Variants in GPC5 observed in about 807,000 individuals in gnomAD.
GPC5 encodes the protein glypican-5.
GPC5 carries 47 observed loss-of-function variants against 53.9 expected under a neutral mutation model. That is an observed-to-expected ratio of 0.87 (90% CI 0.69 to 1.11). GPC5 has a LOEUF of 1.11. Among genes scored for constraint, GPC5 ranks in the 50% most tolerant of loss-of-function variants. The probability of loss-of-function intolerance (pLI) is 0.00; values close to 1 mark genes in which losing one functional copy is unlikely to be tolerated. For synonymous variants in GPC5, 286 were observed against 263.3 expected (o/e 1.09, Z -0.84); for missense variants, 748 against 713.1 (o/e 1.05, Z -0.56).
chr13:92,311,372 G>C (rs1028552096), intron 7 of GPC5, among the ~76,000 whole-genome samples: 4 of 152,042 alleles, frequency 2.6e-5, no homozygotes, highest in African/African-American at 7.2e-5. Flanking sequence ...GAGGAATTAG[G>C]TATTTAACAA....
At chr13:92,542,227 T>C (rs1881954058) in intron 7 of GPC5, among the ~76,000 whole-genome samples, 1 of 152,000 alleles carries the variant, frequency 6.6e-6, no homozygotes, top group African/African-American at 2.4e-5. Context: ...GAAAATATAC[T>C]AAGTTGTTAA....
At chr13:92,436,932 G>T (rs899362033) in intron 7 of GPC5, among the ~76,000 whole-genome samples, 1 of 152,040 alleles carries the variant, frequency 6.6e-6, no homozygotes. Flanking sequence ...TCATTTAAAA[G>T]ATTTTATAAC....
At chr13:91,662,643 C>T in intron 2 of GPC5, among the ~76,000 whole-genome samples, 1 of 152,048 alleles carries the variant, frequency 6.6e-6, no homozygotes, top group East Asian at 1.9e-4. Flanking sequence ...ATATTATTTT[C>T]TTCCATCTCC....
At chr13:92,803,546 T>G (rs1046282297) in intron 7 of GPC5, among the ~76,000 whole-genome samples, 5 of 151,938 alleles carry the variant, frequency 3.3e-5, no homozygotes, top group African/African-American at 1.2e-4. Flanking sequence ...AGAAATCTCT[T>G]GCTCTAGTCT....
intron 7 of GPC5, among the ~76,000 whole-genome samples, chr13:92,187,674 T>C (rs557017971): frequency 1.3e-5 from 2 of 152,354 alleles, no homozygotes; most frequent in Admixed American, 6.5e-5. Flanking sequence ...GAACATTTTA[T>C]TTGAAATAAT....
intron 7 of GPC5, among the ~76,000 whole-genome samples, chr13:92,695,701 GT>G (rs200591293): frequency 0.055 from 7,794 of 141,774 alleles, 214 homozygotes; most frequent in Non-Finnish European, 0.067. Flanking sequence ...AATTTTATGA[GT>G]TTTTTTTTTT....
intron 7 of GPC5, among the ~76,000 whole-genome samples, chr13:92,327,343 T>C (rs888434524): frequency 2.0e-5 from 3 of 152,190 alleles, no homozygotes; most frequent in Admixed American, 6.6e-5. Context: ...TCTTTTCTGT[T>C]CTCTTGCTGT....
intron 7 of GPC5, among the ~76,000 whole-genome samples, chr13:92,472,166 C>T (rs1411748062): frequency 2.0e-5 from 3 of 152,104 alleles, no homozygotes; most frequent in Non-Finnish European, 4.4e-5. Context: ...CCTGTGTGAA[C>T]TTGGGCATAT....
At chr13:92,469,583 T>C (rs1379942704) in intron 7 of GPC5, among the ~76,000 whole-genome samples, 3 of 152,150 alleles carry the variant, frequency 2.0e-5, no homozygotes, top group African/African-American at 7.2e-5. Context: ...AATTGCTGAG[T>C]TGGAGTATGA....
At chr13:92,319,385 C>A in intron 7 of GPC5, among the ~76,000 whole-genome samples, 1 of 143,252 alleles carries the variant, frequency 7.0e-6, no homozygotes. Flanking sequence ...ATTTTTTTTT[C>A]CCCATGATAA....
intron 7 of GPC5, among the ~76,000 whole-genome samples, chr13:92,608,267 C>T (rs530739414): frequency 3.9e-5 from 6 of 152,266 alleles, no homozygotes; most frequent in African/African-American, 7.2e-5. Flanking sequence ...GTCAACTGTA[C>T]GTTGTTATTA....
chr13:92,486,552 T>C (rs1235712735), intron 7 of GPC5, among the ~76,000 whole-genome samples: 3 of 152,146 alleles, frequency 2.0e-5, no homozygotes, highest in Admixed American at 1.3e-4. Flanking sequence ...GTGGGGTAAA[T>C]TGAAAAATAG....
intron 7 of GPC5, among the ~76,000 whole-genome samples, chr13:92,814,317 T>A (rs1367733189): frequency 6.6e-6 from 1 of 151,826 alleles, no homozygotes; most frequent in Non-Finnish European, 1.5e-5. Context: ...AAAGACTTCT[T>A]AGATATGGAA....
intron 7 of GPC5, among the ~76,000 whole-genome samples, chr13:92,195,852 C>A (rs2042253058): frequency 6.6e-6 from 1 of 152,150 alleles, no homozygotes. Flanking sequence ...TCTACCCATT[C>A]ATCTACTCAG....
intron 6 of GPC5, among the ~76,000 whole-genome samples, chr13:91,945,730 G>A (rs1371036125): frequency 2.6e-5 from 4 of 152,100 alleles, no homozygotes; most frequent in East Asian, 3.9e-4. Context: ...GGGACATTAT[G>A]GAGCCACTGC....
At chr13:91,908,282 A>C (rs2039576170) in intron 6 of GPC5, among the ~76,000 whole-genome samples, 1 of 152,074 alleles carries the variant, frequency 6.6e-6, no homozygotes, top group Non-Finnish European at 1.5e-5. Flanking sequence ...TGTGAAAAGC[A>C]AGCCTCAGCC....
chr13:92,774,908 GTTGTCTCCTGTCCAA>G (rs560545451), intron 7 of GPC5, among the ~76,000 whole-genome samples: 25 of 152,122 alleles, frequency 1.6e-4, no homozygotes, highest in Non-Finnish European at 2.9e-5. Context: ...AAAGATTAAA[GTTGTCTCCTGTCCAA>G]CATTGACAAA....
At chr13:92,239,080 CATT>C (rs1370649529) in intron 7 of GPC5, among the ~76,000 whole-genome samples, 3 of 150,836 alleles carry the variant, frequency 2.0e-5, no homozygotes, top group Admixed American at 2.0e-4. Context: ...TGTAGACTCT[CATT>C]AGTACCACAC....
intron 6 of GPC5, among the ~76,000 whole-genome samples, chr13:92,090,991 A>G (rs1251045444): frequency 6.6e-6 from 1 of 152,202 alleles, no homozygotes; most frequent in African/African-American, 2.4e-5. Context: ...GTCAGAAGGC[A>G]GGAGCCTGTA....
Sources: gnomAD v4.1 joint callset for allele counts (sites outside exome capture counted in the v4.1 genomes callset) on GRCh38, gnomAD v4.1.1 for gene constraint, MANE v1.5 for transcripts, NCBI Gene and HGNC (gene_info 2026-07-23, HGNC 2026-07-21) for gene names.